IPO11: variants seen among roughly 807,000 people sequenced by gnomAD.
IPO11 encodes the protein importin 11.
IPO11 carries 66 observed loss-of-function variants against 143.2 expected under a neutral mutation model. The observed-to-expected ratio is 0.46, with a 90% CI of 0.38 to 0.57. The LOEUF (loss-of-function observed/expected upper bound fraction) is 0.57, where lower values mean the gene tolerates loss of function less well. Ranked by LOEUF, IPO11 falls within the 20% of genes least tolerant of loss-of-function variation. The pLI is 0.00. For missense variants in IPO11, 1,026 were observed against 1,141.0 expected, an observed-to-expected ratio of 0.90 and a Z score of 1.45; for synonymous variants, 385 against 377.8, an observed-to-expected ratio of 1.02 and a Z score of -0.22.
At chr5:62,443,390 T>A (rs1346713366) in intron 3 of IPO11, 9 of 95,114 alleles carry the variant, frequency 9.5e-5, no homozygotes, top group Admixed American at 2.0e-4. Flanking sequence ...TGAGTGTGTG[T>A]GTGTGTGTGT....
chr5:62,494,828 G>A (rs1741076823), intron 16 of IPO11, among the ~76,000 whole-genome samples: 1 of 151,598 alleles, frequency 6.6e-6, no homozygotes. Flanking sequence ...TTTTCAATTT[G>A]TTTTAGGTAA....
intron 26 of IPO11, 46 bp from the exon 27 acceptor site, chr5:62,561,090 A>G (rs1580326102): frequency 6.5e-7 from 1 of 1,532,216 alleles, no homozygotes. Flanking sequence ...ACCCACAAGT[A>G]AAACATATTT....
intron 26 of IPO11, 142 bp downstream of exon 26, chr5:62,551,478 A>C: frequency 2.0e-6 from 1 of 501,878 alleles, no homozygotes. Context: ...ATGCTGTATC[A>C]ATAATTTGGG....
chr5:62,545,667 C>T (rs1416418549), intron 24 of IPO11, among the ~76,000 whole-genome samples: 1 of 152,144 alleles, frequency 6.6e-6, no homozygotes, highest in South Asian at 2.1e-4. Context: ...AACAGGCAAC[C>T]TACAGAATGG....
chr5:62,589,340 C>T (rs1357036382), intron 27 of IPO11, among the ~76,000 whole-genome samples: 1 of 152,160 alleles, frequency 6.6e-6, no homozygotes, highest in African/African-American at 2.4e-5. Flanking sequence ...TGGTCACCCT[C>T]TCATCTTCTG....
chr5:62,601,703 T>TA (rs1200229109), intron 28 of IPO11, 61 bp from the exon 29 acceptor site: 1 of 813,400 alleles, frequency 1.2e-6, no homozygotes. Flanking sequence ...TTTAAGGACT[T>TA]ATTTTTAAGT....
chr5:62,529,800 A>G (rs1425064847), intron 21 of IPO11, among the ~76,000 whole-genome samples: 1 of 152,178 alleles, frequency 6.6e-6, no homozygotes, highest in African/African-American at 2.4e-5. Context: ...TTCAACAATC[A>G]AAACAGTCCT....
At chr5:62,441,474 G>C (rs1317852371) in intron 2 of IPO11, among the ~76,000 whole-genome samples, 2 of 128,032 alleles carry the variant, frequency 1.6e-5, no homozygotes, top group Admixed American at 1.8e-4. Flanking sequence ...TGGGATTACA[G>C]GCATGAGCCA....
intron 28 of IPO11, among the ~76,000 whole-genome samples, chr5:62,591,935 C>A (rs1052598505): frequency 6.6e-6 from 1 of 152,124 alleles, no homozygotes; most frequent in Non-Finnish European, 1.5e-5. Context: ...CCGCAACCTC[C>A]GCCTCCCAGG....
At chr5:62,551,118 G>T in intron 25 of IPO11, 105 bp from the exon 26 acceptor site, 1 of 610,430 alleles carries the variant, frequency 1.6e-6, no homozygotes. Flanking sequence ...GAAGTAACAT[G>T]GAGGAGAATG....
At chr5:62,482,139 C>G (rs760953530) in intron 9 of IPO11, among the ~76,000 whole-genome samples, 3 of 151,934 alleles carry the variant, frequency 2.0e-5, no homozygotes, top group Non-Finnish European at 4.4e-5. Flanking sequence ...GGTGATACTC[C>G]TTATCATTTT....
chr5:62,429,430 G>A (rs1002571979), intron 1 of IPO11, among the ~76,000 whole-genome samples: 3 of 151,496 alleles, frequency 2.0e-5, no homozygotes, highest in African/African-American at 7.3e-5. Flanking sequence ...TTTAATTTTC[G>A]TTTTTGAGAC....
chr5:62,584,682 A>AT (rs573914742), intron 27 of IPO11, among the ~76,000 whole-genome samples: 319 of 142,536 alleles, frequency 2.2e-3, no homozygotes, highest in East Asian at 4.1e-3. Flanking sequence ...GGTAATAGGC[A>AT]TTTTTTTTTT....
intron 27 of IPO11, among the ~76,000 whole-genome samples, chr5:62,578,093 CT>C (rs1325093822): frequency 6.6e-6 from 1 of 152,046 alleles, no homozygotes; most frequent in Non-Finnish European, 1.5e-5. Context: ...AACATCGCCT[CT>C]TTTACTCTCC....
In IPO11 at chr5:62,539,679, T is replaced by G. The variant is rs577752160; in HGVS notation, c.2250+2390T>G. On this transcript the variant is annotated intron_variant, in intron 24 of 29. Coordinates refer to ENST00000325324, the MANE Select transcript of IPO11 (RefSeq NM_016338.5). ...TAGTCTATTAATCCACATTTATTAT[T>G]AATTTCAAAGTATTCTCCTAGCTCC... Among the ~76,000 whole-genome samples the G allele has an allele frequency of 2.0e-5, 3 of 152,344 alleles. No homozygotes were observed. In the South Asian group the frequency reaches 6.2e-4, roughly 32 times the overall value.
chr5:62,627,159 C>A lies in IPO11; in HGVS notation c.2769C>A (p.Ala923=). The change falls in exon 30 of 30, where the codon GCC becomes GCA. Residue 923 remains alanine, a synonymous_variant. Coordinates refer to ENST00000325324, the MANE Select transcript of IPO11 (RefSeq NM_016338.5). ...TEQDKRKKML[A]LKDPVHTVSL... ...CTCCTCTCTGTATCCCACAGCTGGC[C>A]CTGAAGGACCCTGTTCATACAGTGT... 6.2e-7 allele frequency: 1 copy of A among 1,612,432 alleles called. No homozygotes were observed.
chr5:62,497,928 G>A (rs1463747613), intron 16 of IPO11, among the ~76,000 whole-genome samples: 1 of 152,102 alleles, frequency 6.6e-6, no homozygotes, highest in East Asian at 1.9e-4. Context: ...CCATACGGCT[G>A]TCTCTGTCAT....
At chr5:62,434,917 T>A (rs998072571) in intron 1 of IPO11, among the ~76,000 whole-genome samples, 2 of 150,918 alleles carry the variant, frequency 1.3e-5, no homozygotes, top group African/African-American at 2.4e-5. Flanking sequence ...CGCAGCTACT[T>A]GGGAGGCTAA....
chr5:62,467,143 A>T lies in IPO11; in HGVS notation c.529A>T (p.Ile177Phe). Residue 177 changes from isoleucine to phenylalanine, a missense_variant, in exon 6 of 30, where the codon ATT (isoleucine) becomes TTT (phenylalanine). Physicochemically the swap from Ile to Phe is conservative, Grantham distance 21. This residue lies in a region of IPO11 where 429 missense variants were observed against 456.3 expected (regional missense o/e 0.94). Coordinates refer to ENST00000325324, the MANE Select transcript of IPO11 (RefSeq NM_016338.5). ...CTTTTCTTTGCAGTTAGCTTCTGGA[A>T]TTTATAATTTTGCCTGCTCTCTGTG... is the stretch of plus-strand genomic sequence containing the variant. ...RKLFYDLASG[I>F]YNFACSLWNH... 6.2e-7 allele frequency: 1 copy of T among 1,608,640 alleles called. No homozygotes were observed. The highest frequency in any genetic ancestry group is 8.5e-7 in the Non-Finnish European group (1 of 1,178,648).
Sources: gnomAD v4.1 joint callset for allele counts (sites outside exome capture counted in the v4.1 genomes callset) on GRCh38, gnomAD v4.1.1 for gene constraint, gnomAD v4.1.1 regional missense constraint, MANE v1.5 for transcripts, NCBI Gene and HGNC (gene_info 2026-07-23, HGNC 2026-07-21) for gene names.